Variants in MYO1E observed in about 807,000 individuals in gnomAD.
MYO1E encodes the protein myosin IE.
A neutral mutation model predicts 151.1 loss-of-function variants in MYO1E; 68 were observed. That is an observed-to-expected ratio of 0.45 (90% confidence interval 0.37 to 0.55). The LOEUF is 0.55. Among genes scored for constraint, MYO1E ranks in the 20% least tolerant of loss-of-function variants. The pLI is 0.00. For synonymous variants in MYO1E, 601 were observed against 501.7 expected (o/e 1.20, Z -2.64); for missense variants, 1,363 against 1,389.3 (o/e 0.98, Z 0.30).
rs2306779 is a variant in MYO1E, at chr15:59,223,235, C to A, written c.778-44G>T. ...ACTATCCAGAGAAGCTGGTCACCAGCTTTAAAAGCACCTTAGGAAGAAGCC... is the reference window on the plus strand; with the variant it reads ...ACTATCCAGAGAAGCTGGTCACCAGATTTAAAAGCACCTTAGGAAGAAGCC... On this transcript the variant is annotated intron_variant, in intron 8 of 27. Coordinates refer to ENST00000288235, the MANE Select transcript of MYO1E (RefSeq NM_004998.4). 10 of 1,611,166 alleles carry A rather than the reference C, an allele frequency of 6.2e-6. No homozygotes were observed. In the East Asian group the frequency reaches 2.2e-4, roughly 36 times the overall value.
intron 3 of MYO1E, among the ~76,000 whole-genome samples, chr15:59,258,049 T>C (rs1196130655): frequency 6.6e-6 from 1 of 152,136 alleles, no homozygotes; most frequent in Non-Finnish European, 1.5e-5. Context: ...GAAAGTGATA[T>C]ACAGAAAATG....
chr15:59,265,920 T>C (rs764255398), intron 2 of MYO1E, among the ~76,000 whole-genome samples: 44 of 151,370 alleles, frequency 2.9e-4, no homozygotes, highest in Non-Finnish European at 5.2e-4. Flanking sequence ...CGAACTGTGA[T>C]CACACCATTG....
At chr15:59,341,804 G>A (rs1208426864) in intron 1 of MYO1E, among the ~76,000 whole-genome samples, 1 of 152,090 alleles carries the variant, frequency 6.6e-6, no homozygotes, top group African/African-American at 2.4e-5. Flanking sequence ...ATTTGCTATT[G>A]TGAATAGTGC....
chr15:59,200,579 G>A (rs1184528981), intron 16 of MYO1E, among the ~76,000 whole-genome samples: 1 of 151,944 alleles, frequency 6.6e-6, no homozygotes. Context: ...GAGCCCAGGA[G>A]TTCAAGACCA....
chr15:59,187,109 C>T (rs1239450817), intron 18 of MYO1E, among the ~76,000 whole-genome samples: 10 of 152,196 alleles, frequency 6.6e-5, no homozygotes, highest in Non-Finnish European at 1.2e-4. Flanking sequence ...GTTAAACCTC[C>T]GCTCTTCCTG....
chr15:59,161,105 A>C lies in MYO1E; in HGVS notation c.2753T>G (p.Val918Gly). 1 of 1,613,872 alleles carries C rather than the reference A, an allele frequency of 6.2e-7. No individual in the cohort carries two copies. Among genetic ancestry groups the C allele is most frequent in the South Asian group, 1.1e-5 (1 of 91,058 alleles). ...VLKPSNKVLQ[V>G]SIGPGLPKNS... ...CTTGGGCAGTCCAGGTCCGATGCTG[A>C]CCTGCAGCACTTTGTTACTGGGCTT... The change falls in exon 24 of 28, where the codon GTC becomes GGC. Residue 918 changes from valine (V) to glycine (G), a missense_variant. Coordinates refer to ENST00000288235, the MANE Select transcript of MYO1E (RefSeq NM_004998.4).
intron 17 of MYO1E, among the ~76,000 whole-genome samples, chr15:59,194,971 G>C (rs755002674): frequency 4.0e-5 from 6 of 151,706 alleles, no homozygotes; most frequent in Non-Finnish European, 7.4e-5. Context: ...ACGGTGCTTA[G>C]GGGGAATGCC....
At chr15:59,164,614 T>A (rs1213051977) in intron 22 of MYO1E, among the ~76,000 whole-genome samples, 3 of 152,182 alleles carry the variant, frequency 2.0e-5, no homozygotes, top group African/African-American at 7.2e-5. Context: ...GGATCCTTCT[T>A]CCATGTAAAA....
chr15:59,143,286 G>A (rs1406517323), intron 26 of MYO1E, among the ~76,000 whole-genome samples: 1 of 152,204 alleles, frequency 6.6e-6, no homozygotes, highest in African/African-American at 2.4e-5. Flanking sequence ...AGGTGGGGGA[G>A]GCCAGGGCAG....
Position 59,227,563 on chromosome 15 carries a change from G to C in MYO1E, c.538C>G (p.Pro180Ala), listed in dbSNP as rs2079999645. Residue 180 changes from proline (P) to alanine (A), a missense_variant, in exon 7 of 28, where the codon CCA (proline) becomes GCA (alanine). Transcript: ENST00000288235. ...TTTCCACCATCTGGTTCCCCACCTG[G>C]ACTGAACTGGATTTCAAAGTATTTT... ...FGKYFEIQFSPGGEPDGGKIS... is the reference protein window; with the variant it reads ...FGKYFEIQFSAGGEPDGGKIS... The C allele has an allele frequency of 3.1e-6, 5 of 1,614,020 alleles. No homozygotes were observed. Among genetic ancestry groups the C allele is most frequent in the Non-Finnish European group, 4.2e-6 (5 of 1,180,028 alleles).
chr15:59,318,089 T>A (rs536273838), intron 1 of MYO1E, among the ~76,000 whole-genome samples: 3 of 152,134 alleles, frequency 2.0e-5, no homozygotes, highest in Non-Finnish European at 4.4e-5. Context: ...ATCAAGACAC[T>A]GTGTAATTAC....
rs1186774374 is a variant in MYO1E at position 59,350,371 on chromosome 15, A to G, written c.3+22127T>C. ...CTATTCACCATGACTGTAGTCGTAGACACTCAGAAATGGGAGTTCCAAGAA... is the reference window on the plus strand; with the variant it reads ...CTATTCACCATGACTGTAGTCGTAGGCACTCAGAAATGGGAGTTCCAAGAA... On this transcript the variant is annotated intron_variant, in intron 1 of 27. Transcript: ENST00000288235. This position sits in a 1 kb window ranked among gnomAD's most constrained non-coding sequence, Gnocchi z 5.0. Among the ~76,000 whole-genome samples, 2 of 152,254 alleles carry G rather than the reference A, an allele frequency of 1.3e-5. No individual in the cohort carries two copies. The highest frequency in any genetic ancestry group is 2.9e-5 in the Non-Finnish European group (2 of 68,044).
intron 1 of MYO1E, among the ~76,000 whole-genome samples, chr15:59,307,145 T>A (rs2080519500): frequency 6.6e-6 from 1 of 152,126 alleles, no homozygotes; most frequent in East Asian, 1.9e-4. Flanking sequence ...AGCTTTTATT[T>A]AACTGAAAAT....
At chr15:59,226,171 A>T (rs2079990064) in intron 7 of MYO1E, among the ~76,000 whole-genome samples, 1 of 152,248 alleles carries the variant, frequency 6.6e-6, no homozygotes, top group Non-Finnish European at 1.5e-5. Context: ...GCTTTAATAC[A>T]ATTTTAAAAA....
In MYO1E at chr15:59,134,339, A is replaced by C. The variant is rs915867126; in HGVS notation, c.*3041T>G. ...GAAGGCTTCACCCTTTGTCCTCTCC[A>C]CATGTCTCTGTATTGTTTCACAAAA... On this transcript the variant is annotated 3_prime_UTR_variant, in exon 28 of 28. Coordinates refer to ENST00000288235, the MANE Select transcript of MYO1E (RefSeq NM_004998.4). 1 of 152,146 alleles carries C rather than the reference A, an allele frequency of 6.6e-6. No individual in the cohort carries two copies. Among genetic ancestry groups the C allele is most frequent in the Non-Finnish European group, 1.5e-5 (1 of 68,050 alleles). 9.4% of individuals were successfully genotyped at this position (152,146 alleles called of 1,614,324 possible).
chr15:59,326,310 G>C (rs910507331), intron 1 of MYO1E, among the ~76,000 whole-genome samples: 3 of 152,118 alleles, frequency 2.0e-5, no homozygotes, highest in Non-Finnish European at 4.4e-5. Context: ...ACGAGGTCAG[G>C]AGATCGAGAC....
chr15:59,132,718 T>C lies in MYO1E; in HGVS notation c.*4662A>G, dbSNP rs1232221515. On this transcript the variant is annotated 3_prime_UTR_variant, in exon 28 of 28. Coordinates refer to ENST00000288235, the MANE Select transcript of MYO1E (RefSeq NM_004998.4). ...TTAAGTAGTGGTGATCTCTATACTT[T>C]AGTTTCTGTACCTGTGAAGTGGGGA... 1 of 152,262 alleles carries C rather than the reference T, an allele frequency of 6.6e-6. No homozygotes were observed. Among genetic ancestry groups the C allele is most frequent in the African/African-American group, 2.4e-5 (1 of 41,480 alleles). The allele number at this position is 152,262 out of a possible 1,614,324, so 9.4% of individuals were successfully genotyped here.
intron 1 of MYO1E, among the ~76,000 whole-genome samples, chr15:59,320,997 A>C (rs980837636): frequency 5.3e-5 from 8 of 152,240 alleles, no homozygotes; most frequent in African/African-American, 1.9e-4. Context: ...AAGCAAAAAA[A>C]CAAACAATCC....
chr15:59,290,200 T>G (rs1225276627), intron 1 of MYO1E, among the ~76,000 whole-genome samples: 3 of 152,212 alleles, frequency 2.0e-5, no homozygotes, highest in African/African-American at 7.2e-5. Flanking sequence ...ACCTGGCAGC[T>G]TCTATTAAGG....
Sources: allele counts gnomAD v4.1 joint callset (sites outside exome capture counted in the v4.1 genomes callset), GRCh38; gene constraint gnomAD v4.1.1; non-coding constraint Gnocchi (gnomAD v3.1); transcripts MANE v1.5; gene names NCBI Gene and HGNC (gene_info 2026-07-23, HGNC 2026-07-21).